The following VPS53 variants were observed in gnomAD, a reference collection of about 807,000 sequenced individuals.
VPS53 encodes the protein VPS53 subunit of GARP complex.
Under a neutral mutation model 107.0 loss-of-function variants are expected in VPS53, and 70 were observed. That is an observed-to-expected ratio of 0.65 (90% CI 0.54 to 0.80). VPS53 has a LOEUF of 0.80. Ranked by LOEUF, VPS53 falls within the 30% of genes least tolerant of loss-of-function variation. The pLI, the probability that VPS53 is intolerant of heterozygous loss-of-function variation, is 0.00. For synonymous variants in VPS53, 409 were observed against 393.3 expected, an observed-to-expected ratio of 1.04 and a Z score of -0.47; for missense variants, 917 against 1,049.4, an observed-to-expected ratio of 0.87 and a Z score of 1.74.
intron 11 of VPS53, among the ~76,000 whole-genome samples, chr17:619,903 TG>T (rs1969394508): frequency 7.1e-6 from 1 of 140,366 alleles, no homozygotes; most frequent in Non-Finnish European, 1.6e-5. Context: ...CCCGGGTAGA[TG>T]GGACTACAGG....
intron 12 of VPS53, among the ~76,000 whole-genome samples, chr17:594,078 A>T (rs1399538638): frequency 6.6e-6 from 1 of 152,114 alleles, no homozygotes; most frequent in Admixed American, 6.5e-5. Flanking sequence ...CAAACACCGC[A>T]TATTCTCACT....
intron 10 of VPS53, among the ~76,000 whole-genome samples, chr17:625,161 G>C (rs1007790391): frequency 2.6e-5 from 4 of 151,702 alleles, no homozygotes; most frequent in Non-Finnish European, 2.9e-5. Context: ...GCTAATTTTT[G>C]CATTTTTTGT....
intron 19 of VPS53, among the ~76,000 whole-genome samples, chr17:530,201 C>T (rs1363523848): frequency 1.4e-5 from 2 of 139,566 alleles, no homozygotes; most frequent in Admixed American, 7.9e-5. Flanking sequence ...AGTGCAGTGG[C>T]GCAATCTCAG....
rs545613074 is a variant in VPS53 at position 607,903 on chromosome 17, A to G, written c.1117-6007T>C. Among the ~76,000 whole-genome samples the G allele has an allele frequency of 6.6e-5, 10 of 152,320 alleles. No homozygotes were observed. In the East Asian group the frequency reaches 7.7e-4, roughly 12 times the overall value. On this transcript the variant is annotated intron_variant, in intron 11 of 21. Coordinates refer to ENST00000437048, the MANE Select transcript of VPS53 (RefSeq NM_001128159.3). ...GGAAAGTCTGGCTTCAGTCAGCAGT[A>G]CATCCGTATCTCGTCTGCCTACACA...
At chr17:571,487 T>TTCTCCCTCTCCCTCTCCCTCTCCC (rs749005826) in intron 13 of VPS53, among the ~76,000 whole-genome samples, 3 of 119,726 alleles carry the variant, frequency 2.5e-5, no homozygotes, top group Non-Finnish European at 5.9e-5. Context: ...CTCCCTCTCC[T>TTCTCCCTCTCCCTCTCCCTCTCCC]TCTCCCTCTC....
intron 8 of VPS53, among the ~76,000 whole-genome samples, chr17:628,879 C>G (rs1969827546): frequency 6.6e-6 from 1 of 152,228 alleles, no homozygotes; most frequent in South Asian, 2.1e-4. Context: ...ACTGACGCAT[C>G]ACGACGGGAA....
chr17:681,900 T>G (rs910157245), intron 4 of VPS53, among the ~76,000 whole-genome samples: 1 of 152,186 alleles, frequency 6.6e-6, no homozygotes, highest in Admixed American at 6.5e-5. Flanking sequence ...AGACCCCTTG[T>G]GACTCAGTCA....
chr17:593,396 C>T (rs1218469843), intron 12 of VPS53, among the ~76,000 whole-genome samples: 6 of 152,086 alleles, frequency 3.9e-5, no homozygotes, highest in Admixed American at 1.3e-4. Context: ...AGAAAATTTT[C>T]GCAACCTACT....
chr17:566,624 C>G (rs1913539867), intron 13 of VPS53, among the ~76,000 whole-genome samples: 1 of 152,126 alleles, frequency 6.6e-6, no homozygotes, highest in African/African-American at 2.4e-5. Context: ...GAACATGGAA[C>G]AGAAGGCAAA....
chr17:655,387 C>T lies in VPS53; in HGVS notation c.488+451G>A, dbSNP rs1024902485. 2.0e-5 allele frequency among the ~76,000 whole-genome samples: 3 copies of T among 151,900 alleles called. No homozygotes were observed. In the South Asian group the frequency reaches 6.2e-4, roughly 31 times the overall value. Reference sequence around the variant, plus strand: ...TCCATGACAGTGCAACTCAGCCCAACGCAAGCAGGAAACCTGCTGAGGCAG... The same window carrying T: ...TCCATGACAGTGCAACTCAGCCCAATGCAAGCAGGAAACCTGCTGAGGCAG... On this transcript the variant is annotated intron_variant, in intron 6 of 21. Coordinates refer to ENST00000437048, the MANE Select transcript of VPS53 (RefSeq NM_001128159.3).
intron 7 of VPS53, among the ~76,000 whole-genome samples, chr17:652,506 A>G (rs970197748): frequency 3.3e-5 from 5 of 152,156 alleles, no homozygotes; most frequent in Admixed American, 1.3e-4. Context: ...TCTTGGAACC[A>G]GCCACCTTAC....
chr17:699,111 G>C (rs1973101285), intron 3 of VPS53, among the ~76,000 whole-genome samples: 1 of 151,924 alleles, frequency 6.6e-6, no homozygotes, highest in African/African-American at 2.4e-5. Flanking sequence ...AGGTTGCAGT[G>C]AGCCAAGATC....
At position 560,519 on chromosome 17, in the gene VPS53, C is replaced by T. The variant is rs780992495; in HGVS notation, c.1611G>A (p.Glu537=). 4 of 1,613,868 alleles carry T rather than the reference C, an allele frequency of 2.5e-6. No homozygotes were observed. The African/African-American group carries it at 5.3e-5, about 22-fold the overall frequency. The change falls in exon 15 of 22, where the codon GAG becomes GAA. Residue 537 remains glutamate, a synonymous_variant. Coordinates refer to ENST00000437048, the MANE Select transcript of VPS53 (RefSeq NM_001128159.3). ...GAGTGAACTTGGCTACTTCTGAGCC[C>T]TCCTTTTCCTTGAGGAGGCTGCTGA... ...LTISSLLKEK[E]GSEVAKFTLE...
At chr17:541,883 G>A (rs1444707840) in intron 17 of VPS53, among the ~76,000 whole-genome samples, 2 of 149,828 alleles carry the variant, frequency 1.3e-5, no homozygotes, top group African/African-American at 2.5e-5. Context: ...CACGTACTAC[G>A]CACTGAAGGA....
chr17:521,860 G>T, intron 19 of VPS53, 122 bp from the exon 20 acceptor site: 1 of 1,181,786 alleles, frequency 8.5e-7, no homozygotes, highest in South Asian at 2.9e-5. Context: ...CAAAAAATTG[G>T]GGAAATAAAC....
In VPS53 at chr17:648,820, T is replaced by C. The variant is rs141896280; in HGVS notation, c.608+4471A>G. Among the ~76,000 whole-genome samples, 247 of 132,740 alleles carry C rather than the reference T, an allele frequency of 1.9e-3. 10 individuals are homozygous for C. Among genetic ancestry groups the C allele is most frequent in the African/African-American group, 5.6e-3 (208 of 36,980 alleles). The allele number at this position is 132,740 out of a possible 152,430, so 87.1% of individuals were successfully genotyped here. Reference sequence around the variant, plus strand: ...GGAATGGAACAGGTAATGAAGATCTTACACTGGAGGACAGAGGAATGGTAC... The same window carrying C: ...GGAATGGAACAGGTAATGAAGATCTCACACTGGAGGACAGAGGAATGGTAC... On this transcript the variant is annotated intron_variant, in intron 7 of 21. Transcript: ENST00000437048.
At chr17:701,655 T>C (rs909786336) in intron 2 of VPS53, among the ~76,000 whole-genome samples, 5 of 151,536 alleles carry the variant, frequency 3.3e-5, no homozygotes, top group Non-Finnish European at 7.4e-5. Flanking sequence ...GGATTACAGG[T>C]ATGAGCCACC....
At chr17:645,298 T>G (rs1970641898) in intron 7 of VPS53, among the ~76,000 whole-genome samples, 1 of 152,384 alleles carries the variant, frequency 6.6e-6, no homozygotes, top group Admixed American at 6.5e-5. Context: ...GCCATTTATT[T>G]ATCTTCTTTG....
At chr17:586,459 A>G (rs943804309) in intron 12 of VPS53, 95 bp from the exon 13 acceptor site, 2 of 1,209,188 alleles carry the variant, frequency 1.7e-6, no homozygotes, top group African/African-American at 1.5e-5. Flanking sequence ...TTCATTCCTA[A>G]GTCACAGATA....
Sources: allele counts gnomAD v4.1 joint callset (sites outside exome capture counted in the v4.1 genomes callset), GRCh38; gene constraint gnomAD v4.1.1; transcripts MANE v1.5; gene names NCBI Gene and HGNC (gene_info 2026-07-23, HGNC 2026-07-21).